STXBP3: variants seen among roughly 807,000 people sequenced by gnomAD.
The protein encoded by STXBP3 is syntaxin binding protein 3.
In STXBP3, 41 loss-of-function variants were observed where a neutral mutation model predicts 85.7. The ratio of observed to expected loss-of-function variants is 0.48; its 90% confidence interval spans 0.37 to 0.62. The LOEUF (loss-of-function observed/expected upper bound fraction) is 0.62. Among genes scored for constraint, STXBP3 ranks in the 20% least tolerant of loss-of-function variants. STXBP3 has a pLI of 0.00. For synonymous variants in STXBP3, 229 were observed against 231.7 expected (o/e 0.99, Z 0.10); for missense variants, 563 against 703.1 (o/e 0.80, Z 2.25).
intron 17 of STXBP3, among the ~76,000 whole-genome samples, chr1:108,805,369 C>T (rs918417563): frequency 1.3e-5 from 2 of 150,096 alleles, no homozygotes; most frequent in Non-Finnish European, 3.0e-5. Context: ...TTCACTGCCT[C>T]ATTCTTTAAG....
At chr1:108,767,928 A>T (rs1662302381) in intron 6 of STXBP3, among the ~76,000 whole-genome samples, 1 of 152,124 alleles carries the variant, frequency 6.6e-6, no homozygotes, top group Admixed American at 6.5e-5. Flanking sequence ...ATACAAAAGA[A>T]TGAGAGAATA....
chr1:108,760,024 G>T lies in STXBP3; in HGVS notation c.377G>T (p.Cys126Phe). The T allele has an allele frequency of 6.4e-7, 1 of 1,574,460 alleles. No homozygotes were observed. Among genetic ancestry groups the T allele is most frequent in the African/African-American group, 1.4e-5 (1 of 72,098 alleles). ...CTCTTTAACAAAATTAAGGCTTCTT[G>T]CTCCAAGTCAATAAGAAGATGTAAA... is the stretch of plus-strand genomic sequence containing the variant. Reference protein sequence around the residue: ...DNLFNKIKASCSKSIRRCKEI... With the variant: ...DNLFNKIKASFSKSIRRCKEI... Residue 126 changes from cysteine to phenylalanine, a missense_variant, in exon 6 of 19, where the codon TGC becomes TTC. Around this residue, in one of 3 missense-constraint regions of STXBP3, gnomAD observed 494 missense variants for 592.8 expected, o/e 0.83. Coordinates refer to ENST00000370008, the MANE Select transcript of STXBP3 (RefSeq NM_007269.4).
At chr1:108,770,645 C>G (rs1203347775) in intron 6 of STXBP3, among the ~76,000 whole-genome samples, 1 of 152,098 alleles carries the variant, frequency 6.6e-6, no homozygotes. Context: ...CATTACTTAA[C>G]CTATAATGTT....
At chr1:108,777,702 A>G (rs936309979) in intron 8 of STXBP3, among the ~76,000 whole-genome samples, 2 of 152,182 alleles carry the variant, frequency 1.3e-5, no homozygotes, top group Admixed American at 6.5e-5. Flanking sequence ...AAAATTAATC[A>G]TCCTTCAAAT....
chr1:108,784,745 A>G lies in STXBP3; in HGVS notation c.963+2039A>G, dbSNP rs546991743. ...TCCCTTCTGCCTATGAGCCTATAAA[A>G]TCAAAAACAAGTTAGTTACTTCCTA... On this transcript the variant is annotated intron_variant, in intron 11 of 18. Transcript: ENST00000370008. 2.5e-4 allele frequency among the ~76,000 whole-genome samples: 38 copies of G among 152,300 alleles called. No individual in the cohort carries two copies. The South Asian group carries it at 4.6e-3, about 18-fold the overall frequency.
At chr1:108,805,933 C>T (rs932850966) in intron 17 of STXBP3, among the ~76,000 whole-genome samples, 1 of 152,260 alleles carries the variant, frequency 6.6e-6, no homozygotes, top group Admixed American at 6.5e-5. Flanking sequence ...GCTATGAGAT[C>T]CTATACTGCA....
At chr1:108,768,165 G>A (rs1311668172) in intron 6 of STXBP3, among the ~76,000 whole-genome samples, 1 of 152,124 alleles carries the variant, frequency 6.6e-6, no homozygotes, top group Non-Finnish European at 1.5e-5. Context: ...CATTGTAATT[G>A]TACCTATTTA....
chr1:108,786,010 C>G (rs1383616023), intron 11 of STXBP3, among the ~76,000 whole-genome samples: 1 of 152,218 alleles, frequency 6.6e-6, no homozygotes, highest in Non-Finnish European at 1.5e-5. Flanking sequence ...ACTGTTCAAC[C>G]TCTGCCTGTT....
intron 1 of STXBP3, among the ~76,000 whole-genome samples, chr1:108,748,580 A>G (rs532889253): frequency 2.0e-5 from 3 of 152,214 alleles, no homozygotes; most frequent in South Asian, 4.1e-4. Context: ...GCCTGTAATT[A>G]CAGCACTTTG....
chr1:108,809,015 G>A lies in STXBP3; in HGVS notation c.*138G>A, dbSNP rs1041895824. ...TTTCAAATACATTTCTTAAGGAACT[G>A]TTTATGATTATTACTGGATTTGTCA... On this transcript the variant is annotated 3_prime_UTR_variant, in exon 19 of 19. Coordinates refer to ENST00000370008, the MANE Select transcript of STXBP3 (RefSeq NM_007269.4). 3.3e-5 allele frequency: 19 copies of A among 580,924 alleles called. 1 individual carries two copies. Among genetic ancestry groups the A allele is most frequent in the South Asian group, 1.5e-4 (6 of 41,160 alleles). 36.0% of individuals were successfully genotyped at this position (580,924 alleles called of 1,614,324 possible). A position where few individuals can be genotyped will look rare whatever the true frequency, so the allele number is the denominator to read the frequency against.
chr1:108,771,620 C>CTA (rs1358718430), intron 6 of STXBP3, among the ~76,000 whole-genome samples: 215 of 13,344 alleles, frequency 0.016, 5 homozygotes, highest in Non-Finnish European at 0.02. Flanking sequence ...TGATATATAT[C>CTA]TATATATCAT....
intron 6 of STXBP3, chr1:108,766,817 A>G (rs1455929605): frequency 3.3e-6 from 1 of 302,138 alleles, no homozygotes; most frequent in Non-Finnish European, 6.5e-6. Flanking sequence ...CTTAACATTC[A>G]TAATCATGCC....
intron 6 of STXBP3, among the ~76,000 whole-genome samples, chr1:108,760,865 A>T (rs1414036308): frequency 1.3e-5 from 2 of 152,196 alleles, no homozygotes; most frequent in Non-Finnish European, 2.9e-5. Context: ...AGGGATTTCT[A>T]CTATATTACT....
Position 108,808,829 on chromosome 1 carries a change from G to A in STXBP3, c.1731G>A (p.Lys577=). ...LTPKKLLDDI[K]MLNKPKDKVS... ...CCAAAAAGCTGTTGGATGATATAAA[G>A]ATGCTGAATAAACCCAAGGATAAAG... The change falls in exon 19 of 19, where the codon AAG becomes AAA. Residue 577 remains lysine, a synonymous_variant. Transcript: ENST00000370008. 1 of 1,613,316 alleles carries A rather than the reference G, an allele frequency of 6.2e-7. No individual in the cohort carries two copies. Among genetic ancestry groups the A allele is most frequent in the Non-Finnish European group, 8.5e-7 (1 of 1,179,742 alleles).
At chr1:108,804,002 T>A (rs1371832729) in intron 17 of STXBP3, among the ~76,000 whole-genome samples, 2 of 152,198 alleles carry the variant, frequency 1.3e-5, no homozygotes, top group Non-Finnish European at 2.9e-5. Context: ...TCTCTGGTTG[T>A]TTTTTGTCCT....
At chr1:108,749,312 T>C (rs1056325630) in intron 1 of STXBP3, among the ~76,000 whole-genome samples, 1 of 152,180 alleles carries the variant, frequency 6.6e-6, no homozygotes, top group African/African-American at 2.4e-5. Context: ...AATCTCAACT[T>C]GAGACATGTA....
intron 17 of STXBP3, 105 bp from the exon 18 acceptor site, chr1:108,807,296 A>C: frequency 7.4e-6 from 7 of 945,344 alleles, no homozygotes; most frequent in African/African-American, 1.8e-5. Flanking sequence ...TGTAATTGGT[A>C]GCAAGTTTGA....
chr1:108,754,583 G>A lies in STXBP3; in HGVS notation c.181+1439G>A, dbSNP rs1157740128. On this transcript the variant is annotated intron_variant, in intron 3 of 18. Transcript: ENST00000370008. ...CTGCAGAGCCATTATGCACTGTAGGGAGGTTTTATTGCATTTTGTAGACCA... is the reference window on the plus strand; with the variant it reads ...CTGCAGAGCCATTATGCACTGTAGGAAGGTTTTATTGCATTTTGTAGACCA... 2.0e-5 allele frequency among the ~76,000 whole-genome samples: 3 copies of A among 152,162 alleles called. No homozygotes were observed. In the East Asian group the frequency reaches 5.8e-4, roughly 29 times the overall value.
chr1:108,798,565 G>A (rs140656936), intron 16 of STXBP3, among the ~76,000 whole-genome samples: 7,334 of 151,742 alleles, frequency 0.048, 221 homozygotes, highest in Admixed American at 0.07. Context: ...ACAGGCACAC[G>A]CCACCATGCC....
Sources: gnomAD v4.1 joint callset for allele counts (sites outside exome capture counted in the v4.1 genomes callset) on GRCh38, gnomAD v4.1.1 for gene constraint, gnomAD v4.1.1 regional missense constraint, MANE v1.5 for transcripts, NCBI Gene and HGNC (gene_info 2026-07-23, HGNC 2026-07-21) for gene names.